The following FCHSD2 variants were observed in gnomAD, a reference collection of about 807,000 sequenced individuals.
FCHSD2 encodes FCH and double SH3 domains 2.
Under a neutral mutation model 108.1 loss-of-function variants are expected in FCHSD2, and 38 were observed. The ratio of observed to expected loss-of-function variants is 0.35; its 90% CI spans 0.27 to 0.46. FCHSD2 has a LOEUF of 0.46. Among genes scored for constraint, FCHSD2 ranks in the 20% least tolerant of loss-of-function variants. FCHSD2 has a pLI of 1.00. For synonymous variants in FCHSD2, 279 were observed against 314.7 expected (o/e 0.89, Z 1.20); for missense variants, 751 against 897.8 (o/e 0.84, Z 2.09).
At chr11:73,126,339 TAAAAAAAAAAAAAAA>T (rs61586562) in intron 2 of FCHSD2, among the ~76,000 whole-genome samples, 20 of 27,660 alleles carry the variant, frequency 7.2e-4, no homozygotes, top group East Asian at 3.9e-3. Flanking sequence ...GATTCCATCT[TAAAAAAAAAAAAAAA>T]AAAAAAAAAA....
chr11:73,089,956 G>T (rs1859914273), intron 2 of FCHSD2, among the ~76,000 whole-genome samples: 1 of 151,958 alleles, frequency 6.6e-6, no homozygotes, highest in Non-Finnish European at 1.5e-5. Context: ...TAAAGTAACA[G>T]TAATTAAAAT....
chr11:72,984,146 G>T lies in FCHSD2; in HGVS notation c.647C>A (p.Ala216Glu). ...GCGATCCTGATGTGCATTTGCTGCC[G>T]CTAGGGTAAGAAGATAATCATTCCT... ...HARNDYLLTLAAANAHQDRYY... is the reference protein window; with the variant it reads ...HARNDYLLTLEAANAHQDRYY... The change falls in exon 8 of 20, where the codon GCG (alanine) becomes GAG (glutamate). Residue 216 changes from alanine (A) to glutamate (E), a missense_variant. Physicochemically the swap from Ala to Glu is moderately radical, Grantham distance 107. Coordinates refer to ENST00000409418, the MANE Select transcript of FCHSD2 (RefSeq NM_014824.3). The T allele has an allele frequency of 1.2e-6, 2 of 1,613,212 alleles. No individual in the cohort carries two copies. Among genetic ancestry groups the T allele is most frequent in the Non-Finnish European group, 1.7e-6 (2 of 1,179,254 alleles).
At chr11:73,017,097 C>T (rs118152894) in intron 3 of FCHSD2, among the ~76,000 whole-genome samples, 2 of 152,170 alleles carry the variant, frequency 1.3e-5, no homozygotes, top group African/African-American at 4.8e-5. Context: ...ATCCTCCCAA[C>T]TCAGCCTCCC....
intron 8 of FCHSD2, among the ~76,000 whole-genome samples, chr11:72,955,912 C>T (rs942537863): frequency 5.3e-5 from 8 of 152,276 alleles, no homozygotes; most frequent in South Asian, 4.1e-4. Flanking sequence ...CTGCCCACTA[C>T]GGACTCAAAG....
In FCHSD2 at chr11:73,127,024, A is replaced by G. The variant is rs1860875557; in HGVS notation, c.119+13007T>C. Among the ~76,000 whole-genome samples, 4 of 152,226 alleles carry G rather than the reference A, an allele frequency of 2.6e-5. No individual in the cohort carries two copies. In the South Asian group the frequency reaches 8.3e-4, roughly 32 times the overall value. ...CTGTGCTCCAGCCTGGGATGGAATAAGACTCTGTCTCAAAAGCAAACAACA... is the reference window on the plus strand; with the variant it reads ...CTGTGCTCCAGCCTGGGATGGAATAGGACTCTGTCTCAAAAGCAAACAACA... On this transcript the variant is annotated intron_variant, in intron 2 of 19. Transcript: ENST00000409418.
At chr11:72,908,702 T>A (rs915325187) in intron 9 of FCHSD2, among the ~76,000 whole-genome samples, 6 of 152,030 alleles carry the variant, frequency 3.9e-5, no homozygotes, top group African/African-American at 1.5e-4. Flanking sequence ...TGAGACAGAG[T>A]CTCACCCAGG....
At chr11:73,134,046 TAC>T (rs746839937) in intron 2 of FCHSD2, among the ~76,000 whole-genome samples, 94 of 152,006 alleles carry the variant, frequency 6.2e-4, no homozygotes, top group Non-Finnish European at 9.7e-4. Context: ...ATATATGATA[TAC>T]AGTCACATCA....
At chr11:72,907,716 G>A (rs1437505649) in intron 9 of FCHSD2, among the ~76,000 whole-genome samples, 3 of 145,122 alleles carry the variant, frequency 2.1e-5, no homozygotes, top group Admixed American at 7.3e-5. Context: ...TCAGCCTCTC[G>A]AGTAGCTGGG....
In FCHSD2 at chr11:73,015,884, C is replaced by T. The variant is rs763185978; in HGVS notation, c.167G>A (p.Gly56Asp). The T allele has an allele frequency of 1.5e-5, 24 of 1,568,370 alleles. No individual in the cohort carries two copies. The highest frequency in any genetic ancestry group is 2.0e-5 in the Non-Finnish European group (23 of 1,148,364). Residue 56 changes from glycine to aspartate, a missense_variant and splice_region_variant, in exon 4 of 20, where the codon GGT (glycine) becomes GAT (aspartate). Coordinates refer to ENST00000409418, the MANE Select transcript of FCHSD2 (RefSeq NM_014824.3). The stretch of plus-strand genomic sequence containing the variant: ...GTATTGACTAGCCAACTTCTGCATA[C>T]CCTGTTAAAAAATACATATTTTTTC... ...KAAIEREYAQGMQKLASQYLK... is the reference protein window; with the variant it reads ...KAAIEREYAQDMQKLASQYLK...
At chr11:73,131,361 C>A (rs1003076019) in intron 2 of FCHSD2, among the ~76,000 whole-genome samples, 237 of 100,930 alleles carry the variant, frequency 2.3e-3, no homozygotes, top group Admixed American at 2.5e-3. Flanking sequence ...ACTAAAAGTA[C>A]AAAAAAAAAA....
chr11:72,844,797 AG>A (rs1239516383), intron 14 of FCHSD2, among the ~76,000 whole-genome samples: 1 of 152,224 alleles, frequency 6.6e-6, no homozygotes, highest in Non-Finnish European at 1.5e-5. Context: ...AAGGCAAAAA[AG>A]GGGTCATTTT....
chr11:73,005,856 C>T (rs765239379), intron 4 of FCHSD2, among the ~76,000 whole-genome samples: 4 of 151,022 alleles, frequency 2.6e-5, no homozygotes, highest in Admixed American at 1.3e-4. Flanking sequence ...TAAAGCCATC[C>T]GGTCTCATGG....
chr11:72,893,166 A>G (rs1320418188), intron 10 of FCHSD2, among the ~76,000 whole-genome samples: 1 of 151,428 alleles, frequency 6.6e-6, no homozygotes, highest in African/African-American at 2.4e-5. Context: ...TGCCCAGTTA[A>G]CTTTTTGTAT....
At chr11:73,051,919 CA>C (rs1448636985) in intron 3 of FCHSD2, among the ~76,000 whole-genome samples, 59 of 149,692 alleles carry the variant, frequency 3.9e-4, no homozygotes, top group African/African-American at 1.2e-3. Context: ...ACACACACCC[CA>C]CACACACTGA....
At chr11:72,993,217 T>TCACACCAGTTAGAATGGC (rs1367772801) in intron 5 of FCHSD2, among the ~76,000 whole-genome samples, 5 of 152,128 alleles carry the variant, frequency 3.3e-5, no homozygotes, top group Non-Finnish European at 7.3e-5. Flanking sequence ...AGATACCATC[T>TCACACCAGTTAGAATGGC]CACACCAGTT....
intron 8 of FCHSD2, among the ~76,000 whole-genome samples, chr11:72,951,429 CAG>C (rs1467235446): frequency 4.6e-5 from 7 of 152,190 alleles, no homozygotes; most frequent in Non-Finnish European, 8.8e-5. Flanking sequence ...AGCTCTAGGG[CAG>C]AGTTTCTCAA....
At chr11:72,930,669 TG>T (rs1229039059) in intron 8 of FCHSD2, among the ~76,000 whole-genome samples, 1 of 152,078 alleles carries the variant, frequency 6.6e-6, no homozygotes, top group Non-Finnish European at 1.5e-5. Context: ...TGCTAGAACC[TG>T]GGAGGGAGGC....
chr11:72,901,799 CTT>C (rs1855531131), intron 10 of FCHSD2, among the ~76,000 whole-genome samples: 1 of 151,938 alleles, frequency 6.6e-6, no homozygotes, highest in South Asian at 2.1e-4. Flanking sequence ...GGCCTATAAT[CTT>C]TTATAAGACC....
chr11:73,107,008 C>T (rs1860360137), intron 2 of FCHSD2, among the ~76,000 whole-genome samples: 1 of 151,944 alleles, frequency 6.6e-6, no homozygotes. Context: ...GCCCACTTCA[C>T]ATCTCTATTA....
Sources: allele counts gnomAD v4.1 joint callset (sites outside exome capture counted in the v4.1 genomes callset), GRCh38; gene constraint gnomAD v4.1.1; transcripts MANE v1.5; gene names NCBI Gene and HGNC (gene_info 2026-07-23, HGNC 2026-07-21).